UBASH3A: variants seen among roughly 807,000 people sequenced by gnomAD.
UBASH3A encodes the protein ubiquitin associated and SH3 domain containing A.
Under a neutral mutation model 73.5 loss-of-function variants are expected in UBASH3A, and 63 were observed. That is an observed-to-expected ratio of 0.86 (90% CI 0.70 to 1.06). The LOEUF is 1.06. Among genes scored for constraint, UBASH3A ranks in the 50% least tolerant of loss-of-function variants. UBASH3A has a pLI of 0.00. For missense variants in UBASH3A, 860 were observed against 859.0 expected, an observed-to-expected ratio of 1.00 and a Z score of -0.02; for synonymous variants, 363 against 351.1, an observed-to-expected ratio of 1.03 and a Z score of -0.38.
chr21:42,408,928 T>TAA (rs1192485385), intron 2 of UBASH3A, among the ~76,000 whole-genome samples: 1 of 149,654 alleles, frequency 6.7e-6, no homozygotes, highest in African/African-American at 2.5e-5. Flanking sequence ...TAAAATAAAA[T>TAA]AAAATAAAAT....
chr21:42,431,765 G>A (rs534930165), intron 8 of UBASH3A, among the ~76,000 whole-genome samples: 8 of 152,326 alleles, frequency 5.3e-5, no homozygotes, highest in South Asian at 4.1e-4. Context: ...AATATAGATA[G>A]GGATAATGTC....
chr21:42,419,820 A>G (rs148784173), intron 7 of UBASH3A, among the ~76,000 whole-genome samples: 2,746 of 152,352 alleles, frequency 0.018, 40 homozygotes, highest in Non-Finnish European at 0.026. Context: ...TACAACATTC[A>G]ACGAATTACA....
intron 11 of UBASH3A, among the ~76,000 whole-genome samples, chr21:42,438,290 G>A (rs977884933): frequency 5.9e-5 from 9 of 152,186 alleles, no homozygotes; most frequent in African/African-American, 2.2e-4. Flanking sequence ...GGCAAATGTG[G>A]GGGACAGGGC....
chr21:42,436,456 C>T (rs1223454629), intron 10 of UBASH3A, among the ~76,000 whole-genome samples: 2 of 152,102 alleles, frequency 1.3e-5, no homozygotes, highest in Non-Finnish European at 2.9e-5. Flanking sequence ...TTCTGTCTTC[C>T]TCTTCTCTTC....
intron 5 of UBASH3A, 67 bp from the exon 6 acceptor site, chr21:42,416,375 A>C (rs1461038588): frequency 6.8e-7 from 1 of 1,460,458 alleles, no homozygotes; most frequent in Admixed American, 2.4e-5. Flanking sequence ...GGAAGCATGG[A>C]GGTCGGAGGA....
Position 42,408,088 on chromosome 21 carries a change from G to A in UBASH3A, c.168-1334G>A, listed in dbSNP as rs887557802. On this transcript the variant is annotated intron_variant, in intron 2 of 14. Transcript: ENST00000319294. Reference sequence around the variant, plus strand: ...CCGTTACTTAAATTTCTGGGAGAAGGCAAAGCAGCTTCACCCTCTGGGTGA... The same window carrying A: ...CCGTTACTTAAATTTCTGGGAGAAGACAAAGCAGCTTCACCCTCTGGGTGA... Among the ~76,000 whole-genome samples the A allele has an allele frequency of 4.6e-5, 7 of 152,336 alleles. No individual in the cohort carries two copies. In the South Asian group the frequency reaches 8.3e-4, roughly 18 times the overall value.
chr21:42,410,890 T>G lies in UBASH3A; in HGVS notation c.354+1282T>G, dbSNP rs182464364. ...ATGCACACAGATACACACACATACA[T>G]GCATACAGACATACATAGATATAGA... is the stretch of plus-strand genomic sequence containing the variant. On this transcript the variant is annotated intron_variant, in intron 3 of 14. Coordinates refer to ENST00000319294, the MANE Select transcript of UBASH3A (RefSeq NM_018961.4). Among the ~76,000 whole-genome samples the G allele has an allele frequency of 7.3e-3, 1,101 of 150,788 alleles. 5 individuals carry two copies. Among genetic ancestry groups the G allele is most frequent in the Middle Eastern group, 0.014 (4 of 288 alleles).
chr21:42,405,991 G>GA (rs1411210691), intron 1 of UBASH3A, among the ~76,000 whole-genome samples: 1 of 148,924 alleles, frequency 6.7e-6, no homozygotes, highest in Non-Finnish European at 1.5e-5. Context: ...AGTGGGGGGG[G>GA]GGGGGGCAGG....
At position 42,409,575 on chromosome 21, in the gene UBASH3A, C is replaced by T. The variant is rs377526010; in HGVS notation, c.321C>T (p.Val107=). The T allele has an allele frequency of 9.9e-6, 16 of 1,613,562 alleles. No homozygotes were observed. Among genetic ancestry groups the T allele is most frequent in the Middle Eastern group, 3.3e-4 (2 of 6,060 alleles). Residue 107 remains valine, a synonymous_variant, in exon 3 of 15, where the codon GTC becomes GTT. Coordinates refer to ENST00000319294, the MANE Select transcript of UBASH3A (RefSeq NM_018961.4). Reference sequence around the variant, plus strand: ...GTGCAAAGAACAGAGCTCATGAGGTCTTCCCACACGTGACACTCTGTGACT... The same window carrying T: ...GTGCAAAGAACAGAGCTCATGAGGTTTTCCCACACGTGACACTCTGTGACT... ...RQCAKNRAHE[V]FPHVTLCDFF...
At chr21:42,437,715 G>C in intron 11 of UBASH3A, 135 bp downstream of exon 11, 2 of 759,204 alleles carry the variant, frequency 2.6e-6, no homozygotes, top group Non-Finnish European at 4.4e-6. Flanking sequence ...AGGCAAGTAC[G>C]AGCCAGCCCT....
chr21:42,423,766 A>G, intron 7 of UBASH3A, among the ~76,000 whole-genome samples: 1 of 152,238 alleles, frequency 6.6e-6, no homozygotes, highest in South Asian at 2.1e-4. Flanking sequence ...CTTGAGAATT[A>G]ATCAGTATTA....
At chr21:42,406,940 TGATA>T (rs1039247522) in intron 2 of UBASH3A, among the ~76,000 whole-genome samples, 45 of 152,268 alleles carry the variant, frequency 3.0e-4, no homozygotes, top group African/African-American at 1.1e-3. Flanking sequence ...ACATCTTTGC[TGATA>T]GAGACTAGCG....
At chr21:42,416,093 G>T (rs1016125922) in intron 5 of UBASH3A, among the ~76,000 whole-genome samples, 1 of 152,146 alleles carries the variant, frequency 6.6e-6, no homozygotes, top group Non-Finnish European at 1.5e-5. Flanking sequence ...ACAAAAAGCC[G>T]TTGAACTGGA....
In UBASH3A at chr21:42,405,994, G is replaced by C. The variant is rs1032068385; in HGVS notation, c.114-314G>C. Among the ~76,000 whole-genome samples the C allele has an allele frequency of 4.7e-4, 71 of 150,784 alleles. 1 individual carries two copies. The East Asian group carries it at 0.013, about 28-fold the overall frequency. On this transcript the variant is annotated intron_variant, in intron 1 of 14. Transcript: ENST00000319294. ...TTTGATCTAGGCAGTGGGGGGGGGG[G>C]GGGCAGGCCAGGGAGAGGGATTGCA...
At chr21:42,441,812 A>G (rs1488931876) in intron 11 of UBASH3A, among the ~76,000 whole-genome samples, 1 of 152,240 alleles carries the variant, frequency 6.6e-6, no homozygotes, top group Non-Finnish European at 1.5e-5. Flanking sequence ...TTTTATGTCC[A>G]GCATTTGAGT....
chr21:42,411,431 T>TGCACACATACAGAC (rs1472152366), intron 3 of UBASH3A, among the ~76,000 whole-genome samples: 1 of 149,124 alleles, frequency 6.7e-6, no homozygotes, highest in African/African-American at 2.5e-5. Flanking sequence ...CATAGACAAA[T>TGCACACATACAGAC]GCACACATAC....
chr21:42,440,459 T>A (rs973575824), intron 11 of UBASH3A, among the ~76,000 whole-genome samples: 2 of 152,220 alleles, frequency 1.3e-5, no homozygotes, highest in Non-Finnish European at 2.9e-5. Flanking sequence ...AAGCAAGAAA[T>A]GCACACAAAT....
At chr21:42,430,553 C>T (rs1433865247) in intron 8 of UBASH3A, among the ~76,000 whole-genome samples, 3 of 152,172 alleles carry the variant, frequency 2.0e-5, no homozygotes, top group African/African-American at 7.2e-5. Flanking sequence ...GTCTGAGCTG[C>T]CTCCTGCCCA....
chr21:42,417,283 G>T (rs978795611), intron 6 of UBASH3A, among the ~76,000 whole-genome samples: 4 of 151,872 alleles, frequency 2.6e-5, no homozygotes, highest in African/African-American at 9.7e-5. Context: ...AATTAGCCGG[G>T]CGTGATGGCA....
Sources: allele counts gnomAD v4.1 joint callset (sites outside exome capture counted in the v4.1 genomes callset), GRCh38; gene constraint gnomAD v4.1.1; transcripts MANE v1.5; gene names NCBI Gene and HGNC (gene_info 2026-07-23, HGNC 2026-07-21).